Variants in PLEKHA1 observed in about 807,000 individuals in gnomAD.
The protein encoded by PLEKHA1 is pleckstrin homology domain-containing family A member 1.
Under a neutral mutation model 52.0 loss-of-function variants are expected in PLEKHA1, and 34 were observed. The observed-to-expected ratio is 0.65, with a 90% confidence interval of 0.50 to 0.87. The LOEUF is 0.87. Among genes scored for constraint, PLEKHA1 ranks in the 40% least tolerant of loss-of-function variants. PLEKHA1 has a pLI of 0.00. For missense variants in PLEKHA1, 497 were observed against 504.2 expected, an observed-to-expected ratio of 0.99 and a Z score of 0.14; for synonymous variants, 163 against 170.7, an observed-to-expected ratio of 0.95 and a Z score of 0.35.
chr10:122,427,178 G>C lies in PLEKHA1; in HGVS notation c.900+147G>C. ...ACCAATTGGACTTGCAAAAAATAAT[G>C]CATTTCTAATTTAATGCTTCCTTGT... On this transcript the variant is annotated intron_variant, in intron 11 of 11. Coordinates refer to ENST00000368990, the MANE Select transcript of PLEKHA1 (RefSeq NM_001001974.4). The C allele has an allele frequency of 4.3e-6, 3 of 698,762 alleles. No homozygotes were observed. The Middle Eastern group carries it at 7.4e-4, about 173-fold the overall frequency. 43.3% of individuals were successfully genotyped at this position (698,762 alleles called of 1,614,324 possible). A position where few individuals can be genotyped will look rare whatever the true frequency, so the allele number is the denominator to read the frequency against.
intron 4 of PLEKHA1, 110 bp downstream of exon 4, chr10:122,400,498 C>G: frequency 2.0e-6 from 2 of 994,126 alleles, no homozygotes. Flanking sequence ...ATGAATTATT[C>G]TAAAGTGAAT....
chr10:122,434,036 A>C (rs761227429), downstream of PLEKHA1: 5 of 152,154 alleles, frequency 3.3e-5, no homozygotes, highest in South Asian at 2.1e-4. Flanking sequence ...GGAGGTGATA[A>C]TAGCCTGGGT....
chr10:122,413,679 T>C (rs1002100320), intron 6 of PLEKHA1, among the ~76,000 whole-genome samples: 2 of 152,122 alleles, frequency 1.3e-5, no homozygotes, highest in Admixed American at 6.6e-5. Context: ...AGGAAAAATA[T>C]AAATTTACAT....
At chr10:122,404,457 A>T (rs1380329545) in intron 4 of PLEKHA1, among the ~76,000 whole-genome samples, 1 of 152,240 alleles carries the variant, frequency 6.6e-6, no homozygotes, top group Non-Finnish European at 1.5e-5. Flanking sequence ...GTAAGTGCAT[A>T]GATTTTTAAA....
Position 122,415,874 on chromosome 10 carries a change from G to C in PLEKHA1, c.484G>C (p.Glu162Gln), listed in dbSNP as rs1333242105. 1.2e-6 allele frequency: 2 copies of C among 1,610,872 alleles called. No individual in the cohort carries two copies. Among genetic ancestry groups the C allele is most frequent in the South Asian group, 2.2e-5 (2 of 90,608 alleles). The change falls in exon 7 of 12, where the codon GAA becomes CAA. Residue 162 changes from glutamate (E) to glutamine (Q), a missense_variant. By Grantham distance (29) the Glu-to-Gln change is conservative. Transcript: ENST00000368990. ...ITPTQKEEVN[E>Q]CGESIDRNNL... ...TTCATTTTAGAAAGAAGAAGTAAAT[G>C]AATGTGGTGAAAGTATTGACAGAAA... is the stretch of plus-strand genomic sequence containing the variant.
At chr10:122,402,019 A>G (rs1219051897) in intron 4 of PLEKHA1, among the ~76,000 whole-genome samples, 2 of 152,182 alleles carry the variant, frequency 1.3e-5, no homozygotes, top group Admixed American at 6.5e-5. Context: ...TACTAATTAT[A>G]ATTTTGGTTA....
chr10:122,402,725 G>T (rs1158629713), intron 4 of PLEKHA1, among the ~76,000 whole-genome samples: 2 of 152,176 alleles, frequency 1.3e-5, no homozygotes, highest in African/African-American at 4.8e-5. Flanking sequence ...CCCTTCTTCT[G>T]TCCCAGCAGG....
chr10:122,420,065 AG>A (rs1205582021), intron 8 of PLEKHA1: 1 of 152,236 alleles, frequency 6.6e-6, no homozygotes, highest in Non-Finnish European at 1.5e-5. Context: ...TGTGCAGAAA[AG>A]GGTGCTGGCA....
chr10:122,420,182 G>A (rs944716756), intron 8 of PLEKHA1: 70 of 152,168 alleles, frequency 4.6e-4, no homozygotes, highest in African/African-American at 1.6e-3. Flanking sequence ...ATGGACATTG[G>A]TGGCTCCAAG....
chr10:122,393,592 C>T lies in PLEKHA1; in HGVS notation c.141+251C>T, dbSNP rs531895379. 2.6e-5 allele frequency among the ~76,000 whole-genome samples: 4 copies of T among 152,262 alleles called. No individual in the cohort carries two copies. Among genetic ancestry groups the T allele is most frequent in the African/African-American group, 9.6e-5 (4 of 41,558 alleles). The stretch of plus-strand genomic sequence containing the variant: ...TTCCCTCGAGAGAGAAATACTCTCT[C>T]TGGTGGCAAATTAGGTTTTAGAAAA... On this transcript the variant is annotated intron_variant, in intron 2 of 11. Coordinates refer to ENST00000368990, the MANE Select transcript of PLEKHA1 (RefSeq NM_001001974.4). This position sits in a 1 kb window ranked among gnomAD's most constrained non-coding sequence, Gnocchi z 4.5.
At chr10:122,392,190 A>G (rs1434883485) in intron 1 of PLEKHA1, 1 of 152,194 alleles carries the variant, frequency 6.6e-6, no homozygotes, top group African/African-American at 2.4e-5. Context: ...TTAGGACCAG[A>G]ATATGATACA....
chr10:122,404,152 C>T (rs1385370811), intron 4 of PLEKHA1, among the ~76,000 whole-genome samples: 1 of 152,106 alleles, frequency 6.6e-6, no homozygotes, highest in Non-Finnish European at 1.5e-5. Flanking sequence ...TGAGGAGTAT[C>T]GGGCTCAGAG....
At chr10:122,396,079 A>G (rs1199876758) in intron 2 of PLEKHA1, among the ~76,000 whole-genome samples, 3 of 114,084 alleles carry the variant, frequency 2.6e-5, no homozygotes, top group Non-Finnish European at 5.8e-5. Flanking sequence ...TATTTTGAAT[A>G]TTGTTTTTCT....
At chr10:122,397,678 A>C (rs2096870054) in intron 2 of PLEKHA1, among the ~76,000 whole-genome samples, 1 of 152,106 alleles carries the variant, frequency 6.6e-6, no homozygotes, top group Non-Finnish European at 1.5e-5. Flanking sequence ...TCCAGTGATA[A>C]AAATAGCCTT....
At chr10:122,376,323 C>T (rs2096533951) in intron 1 of PLEKHA1, among the ~76,000 whole-genome samples, 1 of 151,808 alleles carries the variant, frequency 6.6e-6, no homozygotes, top group East Asian at 1.9e-4. Flanking sequence ...AGGAAAATTG[C>T]ATTTTAGAGT....
intron 1 of PLEKHA1, among the ~76,000 whole-genome samples, chr10:122,385,770 C>G (rs1270930493): frequency 2.6e-5 from 4 of 152,140 alleles, no homozygotes; most frequent in Non-Finnish European, 5.9e-5. Flanking sequence ...CTTTCACATA[C>G]CAAAATACAT....
At chr10:122,437,948 G>T in the PLEKHA1 span, 2 of 152,278 alleles carry the variant, frequency 1.3e-5, no homozygotes, top group African/African-American at 4.8e-5. Context: ...AGTAGCAAAA[G>T]TAGTCTTTTC....
intron 2 of PLEKHA1, among the ~76,000 whole-genome samples, chr10:122,396,121 A>G (rs548186596): frequency 6.6e-6 from 1 of 152,188 alleles, no homozygotes; most frequent in South Asian, 2.1e-4. Flanking sequence ...ATAGTGTACT[A>G]CTATTACTGT....
intron 2 of PLEKHA1, among the ~76,000 whole-genome samples, chr10:122,394,016 G>T (rs188483395): frequency 2.6e-4 from 39 of 151,136 alleles, no homozygotes; most frequent in Non-Finnish European, 5.3e-4. Flanking sequence ...GCCTTAAGAG[G>T]CCTGAGATTA....
Sources: allele counts gnomAD v4.1 joint callset (sites outside exome capture counted in the v4.1 genomes callset), GRCh38; gene constraint gnomAD v4.1.1; non-coding constraint Gnocchi (gnomAD v3.1); transcripts MANE v1.5; gene names NCBI Gene and HGNC (gene_info 2026-07-23, HGNC 2026-07-21).